The following PRKG1 variants were observed in gnomAD, a reference collection of about 807,000 sequenced individuals.
PRKG1 encodes protein kinase cGMP-dependent 1, also known as cGMP-dependent protein kinase 1.
PRKG1 carries 35 observed loss-of-function variants against 88.1 expected under a neutral mutation model. The observed-to-expected ratio is 0.40, with a 90% CI of 0.30 to 0.53. The LOEUF (loss-of-function observed/expected upper bound fraction) is 0.53, where lower values mean the gene tolerates loss of function less well. Among genes scored for constraint, PRKG1 ranks in the 20% least tolerant of loss-of-function variants. The pLI, the probability that PRKG1 is intolerant of heterozygous loss-of-function variation, is 0.59. For synonymous variants in PRKG1, 303 were observed against 292.5 expected, an observed-to-expected ratio of 1.04 and a Z score of -0.37; for missense variants, 540 against 839.8, an observed-to-expected ratio of 0.64 and a Z score of 4.41.
intron 3 of PRKG1, among the ~76,000 whole-genome samples, chr10:51,579,224 T>G (rs1250811681): frequency 6.6e-6 from 1 of 151,938 alleles, no homozygotes; most frequent in African/African-American, 2.4e-5. Flanking sequence ...TCTAGTGATC[T>G]GCCCACCTTG....
rs572534153 is a variant in PRKG1, at chr10:51,585,276, T to A, written c.592+117440T>A. 9.2e-5 allele frequency among the ~76,000 whole-genome samples: 14 copies of A among 152,252 alleles called. No homozygotes were observed. In the South Asian group the frequency reaches 2.7e-3, roughly 29 times the overall value. On this transcript the variant is annotated intron_variant, in intron 3 of 17. Coordinates refer to ENST00000373980, the MANE Select transcript of PRKG1 (RefSeq NM_006258.4). ...ATAAAACTGGAAAGATAAGGTAGGA[T>A]CATGCTCCTTTGCATAATTTATAAA...
At chr10:51,991,832 T>C (rs1844315962) in intron 5 of PRKG1, among the ~76,000 whole-genome samples, 1 of 152,232 alleles carries the variant, frequency 6.6e-6, no homozygotes, top group Non-Finnish European at 1.5e-5. Flanking sequence ...AGTGCCACAA[T>C]AAACATACGT....
chr10:51,381,962 A>G (rs1837117112), intron 2 of PRKG1, among the ~76,000 whole-genome samples: 1 of 152,224 alleles, frequency 6.6e-6, no homozygotes, highest in African/African-American at 2.4e-5. Context: ...TCAGAAATAA[A>G]GCATATGGTC....
At chr10:51,694,668 T>C (rs779987265) in intron 3 of PRKG1, among the ~76,000 whole-genome samples, 3 of 152,192 alleles carry the variant, frequency 2.0e-5, no homozygotes, top group Non-Finnish European at 4.4e-5. Context: ...TGTTTCACCC[T>C]GTCATCTTCA....
chr10:51,685,581 G>A (rs1344454457), intron 3 of PRKG1, among the ~76,000 whole-genome samples: 1 of 152,018 alleles, frequency 6.6e-6, no homozygotes, highest in Non-Finnish European at 1.5e-5. Context: ...TGCTCACTGT[G>A]TAAATTAAAA....
upstream of PRKG1, among the ~76,000 whole-genome samples, chr10:51,072,757 T>C (rs1179138457): frequency 1.3e-5 from 2 of 152,154 alleles, no homozygotes; most frequent in Non-Finnish European, 2.9e-5. Flanking sequence ...ATATATTTTG[T>C]CATTTAGTCC....
At chr10:51,927,552 G>A (rs1161711190) in intron 5 of PRKG1, among the ~76,000 whole-genome samples, 1 of 150,658 alleles carries the variant, frequency 6.6e-6, no homozygotes, top group Non-Finnish European at 1.5e-5. Flanking sequence ...ATTGGCAGCA[G>A]CAATCAAACA....
chr10:51,786,263 A>G (rs12266397), intron 3 of PRKG1, among the ~76,000 whole-genome samples: 83,589 of 151,982 alleles, frequency 0.55, 23,836 homozygotes, highest in African/African-American at 0.65. Flanking sequence ...TGGATCTGTT[A>G]TTTCTCGGCT....
chr10:51,109,426 C>A (rs1007086499), intron 1 of PRKG1, among the ~76,000 whole-genome samples: 1 of 152,014 alleles, frequency 6.6e-6, no homozygotes, highest in African/African-American at 2.4e-5. Flanking sequence ...CAACTGCCCC[C>A]CCAACACATA....
intron 5 of PRKG1, among the ~76,000 whole-genome samples, chr10:52,039,846 G>A (rs894430131): frequency 2.6e-5 from 4 of 152,140 alleles, no homozygotes; most frequent in Non-Finnish European, 5.9e-5. Context: ...TTTTTGAGAA[G>A]CACTCAAGTC....
At chr10:50,994,984 C>G in intron 1 of PRKG1, among the ~76,000 whole-genome samples, 1 of 152,110 alleles carries the variant, frequency 6.6e-6, no homozygotes, top group Admixed American at 6.5e-5. Flanking sequence ...TATGCAAATA[C>G]TACACCATTT....
At chr10:52,116,536 G>A (rs1177129448) in intron 7 of PRKG1, among the ~76,000 whole-genome samples, 3 of 151,890 alleles carry the variant, frequency 2.0e-5, no homozygotes, top group East Asian at 1.9e-4. Context: ...CTTGCACTTC[G>A]AAAGAATGTT....
intron 2 of PRKG1, among the ~76,000 whole-genome samples, chr10:51,246,784 A>T (rs184858973): frequency 1.5e-3 from 233 of 152,088 alleles, no homozygotes; most frequent in Non-Finnish European, 2.9e-3. Flanking sequence ...AGAATTGGGG[A>T]CTGTGGCGAA....
At chr10:51,448,456 A>G (rs1176578650) in intron 2 of PRKG1, among the ~76,000 whole-genome samples, 1 of 151,958 alleles carries the variant, frequency 6.6e-6, no homozygotes, top group African/African-American at 2.4e-5. Flanking sequence ...TAACCACATG[A>G]AGTGTATTAC....
intron 2 of PRKG1, among the ~76,000 whole-genome samples, chr10:51,439,878 T>A (rs2132745160): frequency 6.6e-6 from 1 of 152,052 alleles, no homozygotes; most frequent in South Asian, 2.1e-4. Context: ...GCCCCATAAA[T>A]TTTTAACACA....
intron 3 of PRKG1, among the ~76,000 whole-genome samples, chr10:51,677,171 T>G (rs1840731232): frequency 6.6e-6 from 1 of 152,192 alleles, no homozygotes; most frequent in Admixed American, 6.5e-5. Context: ...CTCAATGTTA[T>G]GCTTGTGATA....
chr10:51,177,771 G>A (rs1837234567), intron 2 of PRKG1, among the ~76,000 whole-genome samples: 1 of 150,912 alleles, frequency 6.6e-6, no homozygotes, highest in African/African-American at 2.4e-5. Flanking sequence ...AATTAATTTG[G>A]GATTAATGTA....
chr10:52,251,974 A>G (rs1841183175), intron 10 of PRKG1: 1 of 209,882 alleles, frequency 4.8e-6, no homozygotes, highest in African/African-American at 2.3e-5. Flanking sequence ...CTAATTTTCT[A>G]TAATCTTTAT....
At chr10:51,256,794 A>T (rs995682526) in intron 2 of PRKG1, among the ~76,000 whole-genome samples, 4 of 152,092 alleles carry the variant, frequency 2.6e-5, no homozygotes, top group African/African-American at 7.2e-5. Context: ...CTAGAAAGTG[A>T]GGGAGATGGT....
Sources: gnomAD v4.1 joint callset for allele counts (sites outside exome capture counted in the v4.1 genomes callset) on GRCh38, gnomAD v4.1.1 for gene constraint, MANE v1.5 for transcripts, NCBI Gene and HGNC (gene_info 2026-07-23, HGNC 2026-07-21) for gene names.